Variants in LRRK2 observed in about 807,000 individuals in gnomAD.
The protein encoded by LRRK2 is leucine rich repeat kinase 2, also known as leucine-rich repeat serine/threonine-protein kinase 2.
Under a neutral mutation model 302.6 loss-of-function variants are expected in LRRK2, and 203 were observed. The ratio of observed to expected loss-of-function variants is 0.67; its 90% CI spans 0.60 to 0.75. The LOEUF is 0.75. Ranked by LOEUF, LRRK2 falls within the 30% of genes least tolerant of loss-of-function variation. The pLI is 0.00. For missense variants in LRRK2, 2,830 were observed against 2,951.0 expected, an observed-to-expected ratio of 0.96 and a Z score of 0.95; for synonymous variants, 1,066 against 1,031.9, an observed-to-expected ratio of 1.03 and a Z score of -0.63.
chr12:40,254,490 C>G (rs895502248), intron 11 of LRRK2, among the ~76,000 whole-genome samples: 9 of 152,148 alleles, frequency 5.9e-5, no homozygotes, highest in African/African-American at 1.7e-4. Flanking sequence ...TCTCGAATCT[C>G]TCTTATTCTA....
Position 40,325,070 on chromosome 12 carries a change from G to A in LRRK2, c.5656+1764G>A, listed in dbSNP as rs1362153265. On this transcript the variant is annotated intron_variant, in intron 38 of 50. Transcript: ENST00000298910. The stretch of plus-strand genomic sequence containing the variant: ...TGGGAGGCCGAGGTGGGTGTATCAC[G>A]AGGTCAGGAGTTGAAGACCAGCCTG... Among the ~76,000 whole-genome samples the A allele has an allele frequency of 2.0e-5, 3 of 152,052 alleles. No individual in the cohort carries two copies. The East Asian group carries it at 5.8e-4, about 29-fold the overall frequency.
rs927717685 is a variant in LRRK2 at position 40,309,101 on chromosome 12, T to C, written c.4190-5T>C. Reference sequence around the variant, plus strand: ...TAAAAAAATTTGTCTCTAATCTTTATTTAGGTCGTGAGGAATTCTATAGTA... The same window carrying C: ...TAAAAAAATTTGTCTCTAATCTTTACTTAGGTCGTGAGGAATTCTATAGTA... On this transcript the variant is annotated splice_region_variant and splice_polypyrimidine_tract_variant and intron_variant, in intron 29 of 50. Coordinates refer to ENST00000298910, the MANE Select transcript of LRRK2 (RefSeq NM_198578.4). 1.2e-6 allele frequency: 2 copies of C among 1,613,356 alleles called. No individual in the cohort carries two copies. Among genetic ancestry groups the C allele is most frequent in the African/African-American group, 2.7e-5 (2 of 74,888 alleles).
At chr12:40,335,215 C>G (rs753781108) in intron 40 of LRRK2, 58 bp downstream of exon 40, 19 of 1,576,532 alleles carry the variant, frequency 1.2e-5, no homozygotes, top group Non-Finnish European at 1.7e-5. Context: ...CAGACTTGCT[C>G]TCAGGTTCTG....
In LRRK2 at chr12:40,302,782, C is replaced by CTT; in HGVS notation, c.3497-4_3497-3dup. 1 of 1,578,892 alleles carries CTT rather than the reference C, an allele frequency of 6.3e-7. No homozygotes were observed. The highest frequency in any genetic ancestry group is 8.7e-7 in the Non-Finnish European group (1 of 1,150,268). On this transcript the variant is annotated splice_region_variant and splice_polypyrimidine_tract_variant and intron_variant, in intron 25 of 50. Coordinates refer to ENST00000298910, the MANE Select transcript of LRRK2 (RefSeq NM_198578.4). ...TTAAAATGTTTATCTCATTTTTTTT[C>CTT]TTTTAGCTGCTATGCCTTTCTTGCC...
At chr12:40,334,357 A>G (rs1247961563) in intron 39 of LRRK2, among the ~76,000 whole-genome samples, 1 of 152,224 alleles carries the variant, frequency 6.6e-6, no homozygotes, top group East Asian at 1.9e-4. Context: ...TGAAAAACAT[A>G]AAGGTTGGGG....
At position 40,301,138 on chromosome 12, in the gene LRRK2, A is replaced by G. The variant is rs1477180744; in HGVS notation, c.3497-1651A>G. The G allele has an allele frequency of 6.6e-6, 3 of 456,402 alleles. No homozygotes were observed. The East Asian group carries it at 2.1e-4, about 32-fold the overall frequency. 28.3% of individuals were successfully genotyped at this position (456,402 alleles called of 1,614,324 possible). On this transcript the variant is annotated intron_variant, in intron 25 of 50. Transcript: ENST00000298910. ...TCAAAATCTGTTTGCTTTGCACTAC[A>G]CAATCTTAATAGTTTGAGAAGTGGT...
At chr12:40,232,549 A>C in intron 3 of LRRK2, 166 bp downstream of exon 3, 1 of 594,936 alleles carries the variant, frequency 1.7e-6, no homozygotes, top group Non-Finnish European at 3.0e-6. Flanking sequence ...AGAGAGCTTT[A>C]AACTCAGAAG....
At chr12:40,240,948 A>G (rs1301429030) in intron 6 of LRRK2, among the ~76,000 whole-genome samples, 2 of 152,184 alleles carry the variant, frequency 1.3e-5, no homozygotes, top group African/African-American at 2.4e-5. Flanking sequence ...TAGGAGATCA[A>G]ATAGGAAGTG....
Position 40,335,164 on chromosome 12 carries a change from A to C in LRRK2, c.5948+7A>C. On this transcript the variant is annotated splice_region_variant and intron_variant, in intron 40 of 50. Coordinates refer to ENST00000298910, the MANE Select transcript of LRRK2 (RefSeq NM_198578.4). Reference sequence around the variant, plus strand: ...ACGTAGCTGATGGTTTGAGGTAAGTAGGTCATGTTGTTTTCTATTCAGTGC... The same window carrying C: ...ACGTAGCTGATGGTTTGAGGTAAGTCGGTCATGTTGTTTTCTATTCAGTGC... The C allele has an allele frequency of 6.2e-7, 1 of 1,613,938 alleles. No homozygotes were observed. The highest frequency in any genetic ancestry group is 8.5e-7 in the Non-Finnish European group (1 of 1,179,906).
chr12:40,322,743 C>T (rs1945441174), intron 37 of LRRK2, among the ~76,000 whole-genome samples: 1 of 151,976 alleles, frequency 6.6e-6, no homozygotes, highest in Non-Finnish European at 1.5e-5. Flanking sequence ...AGCAACATAA[C>T]CTCATCTGTG....
At chr12:40,291,557 T>C (rs1014903830) in intron 20 of LRRK2, among the ~76,000 whole-genome samples, 1 of 151,958 alleles carries the variant, frequency 6.6e-6, no homozygotes, top group Admixed American at 6.6e-5. Flanking sequence ...GTTATTGGTT[T>C]CAGTTTGACT....
At chr12:40,294,707 C>A (rs543550277) in intron 21 of LRRK2, 138 bp from the exon 22 acceptor site, 45 of 527,558 alleles carry the variant, frequency 8.5e-5, no homozygotes, top group African/African-American at 7.8e-4. Flanking sequence ...TAATTGGGTT[C>A]TTAGTTTTTA....
chr12:40,235,800 T>G (rs1260571570), intron 4 of LRRK2, 86 bp downstream of exon 4: 2 of 767,466 alleles, frequency 2.6e-6, no homozygotes, highest in East Asian at 2.6e-5. Context: ...TGTGTTTTTT[T>G]TTTTTTTTTT....
At chr12:40,263,925 T>C in intron 14 of LRRK2, 24 bp downstream of exon 14, 3 of 1,477,462 alleles carry the variant, frequency 2.0e-6, no homozygotes, top group East Asian at 2.3e-5. Context: ...AAGTTTTCTG[T>C]ATTTATACTA....
intron 7 of LRRK2, among the ~76,000 whole-genome samples, chr12:40,247,840 G>A (rs868185661): frequency 2.2e-4 from 32 of 147,836 alleles, no homozygotes; most frequent in Non-Finnish European, 1.0e-4. Flanking sequence ...TTTTTGATAC[G>A]TACAACTATC....
rs35847451 is a variant in LRRK2 at position 40,257,342 on chromosome 12, T to C, written c.1383T>C (p.Ser461=). 458 of 1,612,886 alleles carry C rather than the reference T, an allele frequency of 2.8e-4. No individual in the cohort carries two copies. The highest frequency in any genetic ancestry group is 3.6e-4 in the Non-Finnish European group (422 of 1,179,292). The change falls in exon 12 of 51, where the codon AGT becomes AGC. Residue 461 remains serine (S), a synonymous_variant. Coordinates refer to ENST00000298910, the MANE Select transcript of LRRK2 (RefSeq NM_198578.4). The part of the protein sequence containing the change: ...KHIHSPEVAE[S]GCKMLNHLFE... ...TACATTCTCCTGAAGTGGCTGAAAG[T>C]GGCTGTAAAATGCTAAATCATCTTT...
At position 40,357,363 on chromosome 12, in the gene LRRK2, C is replaced by CT. The variant is rs77689380; in HGVS notation, c.6843+1186dup. Among the ~76,000 whole-genome samples, 22 of 151,692 alleles carry CT rather than the reference C, an allele frequency of 1.5e-4. No individual in the cohort carries two copies. The South Asian group carries it at 3.9e-3, about 27-fold the overall frequency. On this transcript the variant is annotated intron_variant, in intron 46 of 50. Transcript: ENST00000298910. ...TTCATGGGTGCTTAGGTTGATTCCA[C>CT]TTTTTTTTTTAGCTATTGTGAATAG...
At chr12:40,237,901 T>C (rs186325830) in intron 4 of LRRK2, 68 bp from the exon 5 acceptor site, 127 of 1,500,724 alleles carry the variant, frequency 8.5e-5, no homozygotes, top group Middle Eastern at 6.3e-4. Flanking sequence ...AATTAATTCA[T>C]GTAAAAATTA....
At position 40,367,766 on chromosome 12, in the gene LRRK2, G is replaced by T; in HGVS notation, c.*1G>T. On this transcript the variant is annotated 3_prime_UTR_variant, in exon 51 of 51. Coordinates refer to ENST00000298910, the MANE Select transcript of LRRK2 (RefSeq NM_198578.4). ...AATGAGACGAACATCTGTTGAGTAAGAGAGAAATAGGAATTGTCTTTGGAT... is the reference window on the plus strand; with the variant it reads ...AATGAGACGAACATCTGTTGAGTAATAGAGAAATAGGAATTGTCTTTGGAT... 1.2e-6 allele frequency: 2 copies of T among 1,603,632 alleles called. No homozygotes were observed. The highest frequency in any genetic ancestry group is 1.1e-5 in the South Asian group (1 of 89,874).
Sources: gnomAD v4.1 joint callset for allele counts (sites outside exome capture counted in the v4.1 genomes callset) on GRCh38, gnomAD v4.1.1 for gene constraint, MANE v1.5 for transcripts, NCBI Gene and HGNC (gene_info 2026-07-23, HGNC 2026-07-21) for gene names.